Variants in WWOX observed in about 807,000 individuals in gnomAD.
WWOX encodes the protein WW domain-containing oxidoreductase.
In WWOX, 69 loss-of-function variants were observed where a neutral mutation model predicts 46.2. The observed-to-expected ratio is 1.49, with a 90% CI of 1.23 to 1.82. The LOEUF (loss-of-function observed/expected upper bound fraction) is 1.82. Ranked by LOEUF, WWOX falls within the 40% of genes most tolerant of loss-of-function variation. WWOX has a pLI of 0.00. For missense variants in WWOX, 919 were observed against 542.6 expected, an observed-to-expected ratio of 1.69 and a Z score of -6.89; for synonymous variants, 359 against 202.6, an observed-to-expected ratio of 1.77 and a Z score of -6.56.
chr16:79,108,923 T>G (rs907533722), intron 8 of WWOX, among the ~76,000 whole-genome samples: 3 of 151,980 alleles, frequency 2.0e-5, no homozygotes, highest in Non-Finnish European at 2.9e-5. Flanking sequence ...AAAAAAAGTT[T>G]TTTTTTTTTA....
intron 8 of WWOX, among the ~76,000 whole-genome samples, chr16:78,688,531 A>G (rs2047913699): frequency 6.6e-6 from 1 of 152,148 alleles, no homozygotes; most frequent in South Asian, 2.1e-4. Flanking sequence ...ACACCCCAGG[A>G]CAGGTGCCCT....
At chr16:79,056,918 A>C (rs2048273712) in intron 8 of WWOX, among the ~76,000 whole-genome samples, 1 of 152,252 alleles carries the variant, frequency 6.6e-6, no homozygotes, top group South Asian at 2.1e-4. Flanking sequence ...TAGTGCTAAA[A>C]TTAAGGAGTG....
At chr16:78,151,632 G>C (rs188591852) in intron 4 of WWOX, among the ~76,000 whole-genome samples, 1 of 151,862 alleles carries the variant, frequency 6.6e-6, no homozygotes, top group African/African-American at 2.4e-5. Context: ...TTTCTCACTT[G>C]CCTTGATTGC....
At chr16:78,852,365 T>C (rs2151181734) in intron 8 of WWOX, among the ~76,000 whole-genome samples, 1 of 152,326 alleles carries the variant, frequency 6.6e-6, no homozygotes, top group Middle Eastern at 3.4e-3. Flanking sequence ...GCTTTGCTTC[T>C]CTTGGATCAC....
intron 8 of WWOX, among the ~76,000 whole-genome samples, chr16:78,732,960 G>C (rs1328274619): frequency 6.6e-6 from 1 of 152,150 alleles, no homozygotes; most frequent in African/African-American, 2.4e-5. Flanking sequence ...AGCTCGAGTG[G>C]ATGGCTCTTT....
chr16:78,282,659 A>G (rs12928587), intron 5 of WWOX, among the ~76,000 whole-genome samples: 34,876 of 151,812 alleles, frequency 0.23, 4,224 homozygotes, highest in East Asian at 0.45. Context: ...CGCAGATTAC[A>G]AGGTCAGGAG....
At chr16:78,842,464 C>A (rs2052181557) in intron 8 of WWOX, among the ~76,000 whole-genome samples, 1 of 151,718 alleles carries the variant, frequency 6.6e-6, no homozygotes, top group Non-Finnish European at 1.5e-5. Context: ...GATCACGCTA[C>A]TTTACTTCAA....
At chr16:78,165,298 G>A (rs933726914) in intron 5 of WWOX, among the ~76,000 whole-genome samples, 1 of 152,194 alleles carries the variant, frequency 6.6e-6, no homozygotes, top group African/African-American at 2.4e-5. Flanking sequence ...CCTCTGTGAT[G>A]GGTGCTGGGG....
intron 8 of WWOX, among the ~76,000 whole-genome samples, chr16:78,839,891 G>C (rs1159254280): frequency 2.6e-5 from 4 of 152,192 alleles, no homozygotes; most frequent in African/African-American, 9.7e-5. Context: ...AACTAGCGAA[G>C]CCTTCAGGCA....
chr16:78,830,920 T>A (rs1357750126), intron 8 of WWOX, among the ~76,000 whole-genome samples: 1 of 152,172 alleles, frequency 6.6e-6, no homozygotes, highest in East Asian at 1.9e-4. Context: ...TTCATTTATT[T>A]ATCAAAAGGG....
chr16:78,661,888 C>T (rs569726329), intron 8 of WWOX, among the ~76,000 whole-genome samples: 1 of 152,198 alleles, frequency 6.6e-6, no homozygotes, highest in East Asian at 1.9e-4. Context: ...ACAAAAAATA[C>T]AAAAAATCAG....
At chr16:78,723,015 C>G (rs906177103) in intron 8 of WWOX, among the ~76,000 whole-genome samples, 1 of 152,066 alleles carries the variant, frequency 6.6e-6, no homozygotes, top group Non-Finnish European at 1.5e-5. Context: ...GCACTCCAGC[C>G]TGGGTGACAG....
intron 8 of WWOX, among the ~76,000 whole-genome samples, chr16:79,161,351 C>T (rs1235351921): frequency 1.3e-5 from 2 of 152,112 alleles, no homozygotes; most frequent in African/African-American, 4.8e-5. Flanking sequence ...CCCTTCATCC[C>T]ACCTAAGGTT....
chr16:78,844,802 G>C (rs1158831226), intron 8 of WWOX, among the ~76,000 whole-genome samples: 1 of 152,178 alleles, frequency 6.6e-6, no homozygotes, highest in African/African-American at 2.4e-5. Flanking sequence ...GGCCAGAGTT[G>C]GCTGGGGCAC....
chr16:78,533,091 C>G (rs1158241039), intron 8 of WWOX, among the ~76,000 whole-genome samples: 2 of 152,096 alleles, frequency 1.3e-5, no homozygotes, highest in Non-Finnish European at 2.9e-5. Context: ...AGCCTCAGTT[C>G]CTTTCCATCC....
chr16:78,952,746 G>A (rs757785505), intron 8 of WWOX, among the ~76,000 whole-genome samples: 10 of 152,150 alleles, frequency 6.6e-5, no homozygotes, highest in Non-Finnish European at 1.3e-4. Context: ...CGTAGGGCAT[G>A]TGTTTGTTTC....
intron 5 of WWOX, among the ~76,000 whole-genome samples, chr16:78,322,134 C>T (rs1162222296): frequency 1.3e-5 from 2 of 152,106 alleles, no homozygotes; most frequent in Non-Finnish European, 1.5e-5. Flanking sequence ...ATTTACTTCT[C>T]ACTTGCCCTG....
intron 8 of WWOX, among the ~76,000 whole-genome samples, chr16:78,976,737 C>T (rs2046579999): frequency 6.6e-6 from 1 of 152,138 alleles, no homozygotes; most frequent in Non-Finnish European, 1.5e-5. Context: ...TCTATCTTCC[C>T]CACTCTAGGT....
chr16:79,132,168 C>A (rs2049893588), intron 8 of WWOX, among the ~76,000 whole-genome samples: 1 of 144,162 alleles, frequency 6.9e-6, no homozygotes, highest in Non-Finnish European at 1.5e-5. Flanking sequence ...ACACACACAC[C>A]CCTTCCTACG....
Sources: gnomAD v4.1 joint callset for allele counts (sites outside exome capture counted in the v4.1 genomes callset) on GRCh38, gnomAD v4.1.1 for gene constraint, MANE v1.5 for transcripts, NCBI Gene and HGNC (gene_info 2026-07-23, HGNC 2026-07-21) for gene names.